Variants in TNS1 observed in about 807,000 individuals in gnomAD.
The protein encoded by TNS1 is tensin-1.
Under a neutral mutation model 168.6 loss-of-function variants are expected in TNS1, and 62 were observed. That is an observed-to-expected ratio of 0.37 (90% CI 0.30 to 0.45). The LOEUF (loss-of-function observed/expected upper bound fraction) is 0.45. Among genes scored for constraint, TNS1 ranks in the 20% least tolerant of loss-of-function variants. The probability of loss-of-function intolerance (pLI) is 1.00; values close to 1 mark genes in which losing one functional copy is unlikely to be tolerated. For missense variants in TNS1, 2,240 were observed against 2,339.4 expected (o/e 0.96, Z 0.88); for synonymous variants, 934 against 933.2 (o/e 1.00, Z -0.02).
At position 217,986,523 on chromosome 2, in the gene TNS1, C is replaced by T. The variant is rs1445965290; in HGVS notation, c.148+4419G>A. ...TTTCGGCCTGGTGGGAGGTAGAGCC[C>T]TTGAGCAAAGCTCTGAGTCCACATA... is the stretch of plus-strand genomic sequence containing the variant. On this transcript the variant is annotated intron_variant, in intron 2 of 32. Coordinates refer to ENST00000682258, the MANE Select transcript of TNS1 (RefSeq NM_001387777.1). The surrounding 1 kb of genome is among the most constrained non-coding windows in gnomAD (Gnocchi z 4.7). Among the ~76,000 whole-genome samples, 1 of 152,174 alleles carries T rather than the reference C, an allele frequency of 6.6e-6. No homozygotes were observed. Among genetic ancestry groups the T allele is most frequent in the Admixed American group, 6.5e-5 (1 of 15,282 alleles).
At chr2:217,981,689 C>A (rs1958051892) in intron 2 of TNS1, among the ~76,000 whole-genome samples, 1 of 152,182 alleles carries the variant, frequency 6.6e-6, no homozygotes, top group Non-Finnish European at 1.5e-5. Context: ...CCGCCTCCAA[C>A]CCCAAGGAGG....
rs543425453 is a variant in TNS1 at position 217,949,975 on chromosome 2, T to A, written c.186+28790A>T. Among the ~76,000 whole-genome samples, 62 of 152,270 alleles carry A rather than the reference T, an allele frequency of 4.1e-4. 1 individual carries two copies. The South Asian group carries it at 0.013, about 32-fold the overall frequency. Reference sequence around the variant, plus strand: ...ATTCAGTTTAGCTAACAGTAGGATATGCTTGCCCCCAAAAGGCACAGGCAC... The same window carrying A: ...ATTCAGTTTAGCTAACAGTAGGATAAGCTTGCCCCCAAAAGGCACAGGCAC... On this transcript the variant is annotated intron_variant, in intron 3 of 32. Coordinates refer to ENST00000682258, the MANE Select transcript of TNS1 (RefSeq NM_001387777.1).
intron 12 of TNS1, among the ~76,000 whole-genome samples, chr2:217,888,995 G>A (rs1951489653): frequency 6.6e-6 from 1 of 152,180 alleles, no homozygotes; most frequent in Non-Finnish European, 1.5e-5. Context: ...GGAACAGCAT[G>A]CTTCTCTCTT....
At chr2:217,836,371 A>C (rs562752576) in intron 19 of TNS1, among the ~76,000 whole-genome samples, 160 bp from the exon 20 acceptor site, 3 of 152,250 alleles carry the variant, frequency 2.0e-5, no homozygotes, top group African/African-American at 7.2e-5. Flanking sequence ...TCCTGGGTCC[A>C]ACTCTGTTCA....
intron 4 of TNS1, among the ~76,000 whole-genome samples, chr2:217,919,128 G>A (rs1441469560): frequency 6.6e-6 from 1 of 152,194 alleles, no homozygotes; most frequent in Non-Finnish European, 1.5e-5. Flanking sequence ...AACATGGAGG[G>A]GCCCCTTGGA....
intron 3 of TNS1, among the ~76,000 whole-genome samples, chr2:217,975,935 G>A (rs1957883397): frequency 6.6e-6 from 1 of 152,084 alleles, no homozygotes; most frequent in Non-Finnish European, 1.5e-5. Flanking sequence ...TCTCAGAGTG[G>A]AAATCCAATC....
chr2:217,963,308 C>T (rs908626497), intron 3 of TNS1, among the ~76,000 whole-genome samples: 7 of 152,178 alleles, frequency 4.6e-5, no homozygotes, highest in Non-Finnish European at 5.9e-5. Flanking sequence ...TGCTCCGGCA[C>T]GGGGTCATCA....
chr2:217,806,071 G>A (rs949484683), intron 32 of TNS1, among the ~76,000 whole-genome samples: 5 of 152,184 alleles, frequency 3.3e-5, no homozygotes, highest in African/African-American at 1.2e-4. Flanking sequence ...CCATGAGCAG[G>A]GGTGGGGGTG....
At chr2:217,854,131 T>C (rs1412105154) in intron 18 of TNS1, among the ~76,000 whole-genome samples, 2 of 152,050 alleles carry the variant, frequency 1.3e-5, no homozygotes, top group Admixed American at 6.5e-5. Flanking sequence ...TCTCCAGGGG[T>C]CCTGGCACAC....
At chr2:217,972,607 G>A (rs1288658223) in intron 3 of TNS1, among the ~76,000 whole-genome samples, 1 of 152,266 alleles carries the variant, frequency 6.6e-6, no homozygotes, top group East Asian at 1.9e-4. Flanking sequence ...AGAGGTAACA[G>A]AGAGCTAAGG....
In TNS1 at chr2:217,813,985, A is replaced by G; in HGVS notation, c.4730-169T>C. ...GGGTCTTCCTGTACTCAGGTTGGCA[A>G]ACTTATTCTGTTGGGTTTTTATGTT... On this transcript the variant is annotated intron_variant, in intron 25 of 32. Coordinates refer to ENST00000682258, the MANE Select transcript of TNS1 (RefSeq NM_001387777.1). The surrounding 1 kb of genome is among the most constrained non-coding windows in gnomAD (Gnocchi z 4.0). The G allele has an allele frequency of 1.4e-6, 1 of 724,230 alleles. No individual in the cohort carries two copies. The highest frequency in any genetic ancestry group is 2.0e-6 in the Non-Finnish European group (1 of 499,198). The allele number at this position is 724,230 out of a possible 1,614,324, so 44.9% of individuals were successfully genotyped here.
At chr2:218,015,164 ACCCCTGCCCCTG>A (rs376442679), upstream of TNS1, among the ~76,000 whole-genome samples, 2 of 151,284 alleles carry the variant, frequency 1.3e-5, no homozygotes, top group African/African-American at 4.9e-5. Flanking sequence ...TTAAACTTGA[ACCCCTGCCCCTG>A]CCCCTGCCCC....
intron 1 of TNS1, among the ~76,000 whole-genome samples, chr2:218,020,781 C>T (rs1958800657): frequency 6.6e-6 from 1 of 152,198 alleles, no homozygotes; most frequent in African/African-American, 2.4e-5. Flanking sequence ...CCCAAAGATA[C>T]AGACAGGAGT....
Position 217,848,108 on chromosome 2 carries a change from G to A in TNS1, c.2409C>T (p.Ser803=). 2 of 1,572,276 alleles carry A rather than the reference G, an allele frequency of 1.3e-6. No individual in the cohort carries two copies. The highest frequency in any genetic ancestry group is 1.7e-6 in the Non-Finnish European group (2 of 1,160,240). ...ERAHLESLVA[S]RPSPQPLAET... ...CTGCCAATGGCTGAGGGCTGGGCCT[G>A]CTGGCTACAAGACTCTCCAAGTGGG... The change falls in exon 19 of 33, where the codon AGC becomes AGT. Residue 803 remains serine (S), a synonymous_variant. Transcript: ENST00000682258.
chr2:217,814,034 C>G lies in TNS1; in HGVS notation c.4730-218G>C, dbSNP rs539048795. The G allele has an allele frequency of 7.7e-5, 31 of 400,296 alleles. No individual in the cohort carries two copies. The East Asian group carries it at 1.8e-3, about 23-fold the overall frequency. The allele number at this position is 400,296 out of a possible 1,614,324, so 24.8% of individuals were successfully genotyped here. ...TTTGTTTTTGTGAGACCGGGCCTCA[C>G]TCTGTCACTCAGGCTGGCATGCAGT... is the stretch of plus-strand genomic sequence containing the variant. On this transcript the variant is annotated intron_variant, in intron 25 of 32. Coordinates refer to ENST00000682258, the MANE Select transcript of TNS1 (RefSeq NM_001387777.1).
intron 1 of TNS1, among the ~76,000 whole-genome samples, chr2:218,027,076 G>A (rs539770712): frequency 2.0e-5 from 3 of 148,498 alleles, no homozygotes; most frequent in East Asian, 1.9e-4. Flanking sequence ...GAGACTTTAC[G>A]GCAAACACAA....
At position 217,961,925 on chromosome 2, in the gene TNS1, T is replaced by C. The variant is rs377054757; in HGVS notation, c.186+16840A>G. Among the ~76,000 whole-genome samples the C allele has an allele frequency of 2.1e-4, 32 of 152,262 alleles. No homozygotes were observed. The East Asian group carries it at 3.5e-3, about 17-fold the overall frequency. ...CTAACCTTGAAAAGGTGGGTGGCCT[T>C]CTCCAATCAATTGAAGGCCATAAGA... is the stretch of plus-strand genomic sequence containing the variant. On this transcript the variant is annotated intron_variant, in intron 3 of 32. Coordinates refer to ENST00000682258, the MANE Select transcript of TNS1 (RefSeq NM_001387777.1).
chr2:217,916,358 G>T (rs557356032), intron 4 of TNS1, among the ~76,000 whole-genome samples: 1 of 151,384 alleles, frequency 6.6e-6, no homozygotes, highest in East Asian at 2.0e-4. Flanking sequence ...CCAAGCCCCT[G>T]TGCTGGGCCT....
At chr2:217,840,067 A>G (rs1288825057) in intron 19 of TNS1, among the ~76,000 whole-genome samples, 1 of 152,246 alleles carries the variant, frequency 6.6e-6, no homozygotes, top group Admixed American at 6.5e-5. Flanking sequence ...GGGCGGTTGA[A>G]GGGAGCAGTC....
Sources: allele counts gnomAD v4.1 joint callset (sites outside exome capture counted in the v4.1 genomes callset), GRCh38; gene constraint gnomAD v4.1.1; non-coding constraint Gnocchi (gnomAD v3.1); transcripts MANE v1.5; gene names NCBI Gene and HGNC (gene_info 2026-07-23, HGNC 2026-07-21).